The following CCDC91 variants were observed in gnomAD, a reference collection of about 807,000 sequenced individuals.
CCDC91 encodes coiled-coil domain containing 91.
CCDC91 carries 48 observed loss-of-function variants against 63.2 expected under a neutral mutation model. That is an observed-to-expected ratio of 0.76 (90% CI 0.60 to 0.97). The LOEUF (loss-of-function observed/expected upper bound fraction) is 0.97, where lower values mean the gene tolerates loss of function less well. Among genes scored for constraint, CCDC91 ranks in the 50% least tolerant of loss-of-function variants. CCDC91 has a pLI of 0.00. For synonymous variants in CCDC91, 167 were observed against 165.8 expected (o/e 1.01, Z -0.06); for missense variants, 500 against 494.6 (o/e 1.01, Z -0.10).
At chr12:28,276,510 G>A (rs1240385162) in intron 3 of CCDC91, among the ~76,000 whole-genome samples, 1 of 151,866 alleles carries the variant, frequency 6.6e-6, no homozygotes, top group South Asian at 2.1e-4. Flanking sequence ...ACATTTTCCT[G>A]TTTCTATCAT....
intron 3 of CCDC91, among the ~76,000 whole-genome samples, chr12:28,265,663 A>C (rs992101917): frequency 1.3e-5 from 2 of 152,038 alleles, no homozygotes; most frequent in Non-Finnish European, 2.9e-5. Flanking sequence ...TTACATATCT[A>C]TGAGAGCTCA....
chr12:28,399,235 T>G (rs1946468790), intron 8 of CCDC91, among the ~76,000 whole-genome samples: 1 of 152,112 alleles, frequency 6.6e-6, no homozygotes, highest in African/African-American at 2.4e-5. Flanking sequence ...GAAGCAAACA[T>G]GTCCTTCTTC....
intron 7 of CCDC91, among the ~76,000 whole-genome samples, chr12:28,389,853 A>C (rs1465826640): frequency 6.6e-6 from 1 of 152,100 alleles, no homozygotes; most frequent in Admixed American, 6.6e-5. Context: ...AACTTTTCTG[A>C]AATCCCAACA....
intron 3 of CCDC91, among the ~76,000 whole-genome samples, chr12:28,261,139 C>G (rs752031701): frequency 2.6e-5 from 4 of 151,848 alleles, no homozygotes; most frequent in Non-Finnish European, 5.9e-5. Context: ...AGTCTTGGTT[C>G]TGAAAGAATG....
intron 7 of CCDC91, among the ~76,000 whole-genome samples, chr12:28,363,961 GTGT>G (rs1371966711): frequency 2.2e-5 from 3 of 138,360 alleles, no homozygotes; most frequent in Non-Finnish European, 4.7e-5. Context: ...TAAGTGAAAA[GTGT>G]TTTTTTTTTT....
At chr12:28,416,858 TATC>T (rs1947694008) in intron 8 of CCDC91, among the ~76,000 whole-genome samples, 2 of 152,134 alleles carry the variant, frequency 1.3e-5, no homozygotes, top group Admixed American at 6.6e-5. Context: ...CACACACACT[TATC>T]ATATGTAGTA....
At chr12:28,529,636 A>G (rs1384256417) in intron 12 of CCDC91, among the ~76,000 whole-genome samples, 1 of 152,144 alleles carries the variant, frequency 6.6e-6, no homozygotes. Flanking sequence ...TGAGATGGGG[A>G]ACAGGAATGT....
intron 8 of CCDC91, among the ~76,000 whole-genome samples, chr12:28,394,282 G>T (rs543541952): frequency 2.1e-4 from 32 of 152,096 alleles, no homozygotes; most frequent in South Asian, 1.0e-3. Flanking sequence ...CTGGCTAACA[G>T]GGTGAAACCC....
chr12:28,246,827 G>GAAAAGTA (rs1356496710), intron 1 of CCDC91, among the ~76,000 whole-genome samples: 12 of 152,162 alleles, frequency 7.9e-5, no homozygotes, highest in Non-Finnish European at 1.3e-4. Context: ...AGTGTCAAGT[G>GAAAAGTA]AAAAGTAAAA....
chr12:28,227,569 A>G (rs1223673566), intron 1 of CCDC91, among the ~76,000 whole-genome samples: 2 of 151,934 alleles, frequency 1.3e-5, no homozygotes, highest in Admixed American at 1.3e-4. Flanking sequence ...TCTACACCTC[A>G]TCTACTTCAT....
intron 1 of CCDC91, among the ~76,000 whole-genome samples, chr12:28,200,351 A>G (rs1942128480): frequency 1.3e-5 from 2 of 148,398 alleles, no homozygotes; most frequent in Admixed American, 1.3e-4. Context: ...TGGCAGGGTC[A>G]TAGGACAATA....
At chr12:28,389,430 C>A (rs2139260029) in intron 7 of CCDC91, among the ~76,000 whole-genome samples, 1 of 152,162 alleles carries the variant, frequency 6.6e-6, no homozygotes, top group South Asian at 2.1e-4. Context: ...GCATAACTTT[C>A]CTTTATGCTC....
At chr12:28,335,249 A>C (rs1377441348) in intron 6 of CCDC91, among the ~76,000 whole-genome samples, 1 of 138,874 alleles carries the variant, frequency 7.2e-6, no homozygotes, top group African/African-American at 2.7e-5. Flanking sequence ...CTTATATAAT[A>C]TATAATACAT....
chr12:28,401,983 T>C (rs1207230996), intron 8 of CCDC91, among the ~76,000 whole-genome samples: 2 of 152,166 alleles, frequency 1.3e-5, no homozygotes, highest in South Asian at 2.1e-4. Flanking sequence ...GAAAAGACTA[T>C]CGATTACCCC....
chr12:28,194,930 A>ACAGCT (rs1941624774), intron 1 of CCDC91, among the ~76,000 whole-genome samples: 1 of 152,190 alleles, frequency 6.6e-6, no homozygotes, highest in African/African-American at 2.4e-5. Context: ...TGTGAGTGTT[A>ACAGCT]CAGCTCATAA....
At position 28,325,822 on chromosome 12, in the gene CCDC91, T is replaced by A. The variant is rs1489168317; in HGVS notation, c.576+18073T>A. ...GGGCAAGGGGGTGGGGAGGGCTTAATGATTTTGAAACTTCTATTTAGGAAA... is the reference window on the plus strand; with the variant it reads ...GGGCAAGGGGGTGGGGAGGGCTTAAAGATTTTGAAACTTCTATTTAGGAAA... On this transcript the variant is annotated intron_variant, in intron 6 of 12. Coordinates refer to ENST00000536442, the MANE Select transcript of CCDC91 (RefSeq NM_018318.5). Among the ~76,000 whole-genome samples, 3 of 152,060 alleles carry A rather than the reference T, an allele frequency of 2.0e-5. No individual in the cohort carries two copies. In the East Asian group the frequency reaches 5.8e-4, roughly 29 times the overall value.
intron 1 of CCDC91, among the ~76,000 whole-genome samples, chr12:28,237,235 T>TACACACACAC (rs58134900): frequency 0.18 from 25,137 of 142,896 alleles, 2,481 homozygotes; most frequent in Middle Eastern, 0.28. Context: ...GTATTACACA[T>TACACACACAC]ACACACACAC....
At chr12:28,474,559 CA>C (rs1391201474) in intron 11 of CCDC91, among the ~76,000 whole-genome samples, 1 of 151,670 alleles carries the variant, frequency 6.6e-6, no homozygotes, top group Non-Finnish European at 1.5e-5. Context: ...TGTTACACAG[CA>C]AAAAGTAATA....
At chr12:28,297,913 T>C (rs935700335) in intron 3 of CCDC91, among the ~76,000 whole-genome samples, 7 of 151,872 alleles carry the variant, frequency 4.6e-5, no homozygotes, top group Non-Finnish European at 8.9e-5. Flanking sequence ...CCATCGTTAC[T>C]ATAAAATAAC....
Sources: gnomAD v4.1 joint callset for allele counts (sites outside exome capture counted in the v4.1 genomes callset) on GRCh38, gnomAD v4.1.1 for gene constraint, MANE v1.5 for transcripts, NCBI Gene and HGNC (gene_info 2026-07-23, HGNC 2026-07-21) for gene names.